The following IQCM variants were observed in gnomAD, a reference collection of about 807,000 sequenced individuals.
IQCM encodes the protein IQ motif containing M.
IQCM carries 45 observed loss-of-function variants against 57.6 expected under a neutral mutation model. The ratio of observed to expected loss-of-function variants is 0.78; its 90% CI spans 0.62 to 1.00. The LOEUF is 1.00. IQCM is among the 50% of genes least tolerant of loss of function. The pLI is 0.00. For missense variants in IQCM, 468 were observed against 511.6 expected, an observed-to-expected ratio of 0.91 and a Z score of 0.82; for synonymous variants, 148 against 158.9, an observed-to-expected ratio of 0.93 and a Z score of 0.51.
chr4:149,418,806 A>T (rs1199399888), intron 13 of IQCM, among the ~76,000 whole-genome samples: 1 of 152,162 alleles, frequency 6.6e-6, no homozygotes, highest in Admixed American at 6.6e-5. Flanking sequence ...CTCAGGATAC[A>T]AGATGAATGT....
At chr4:149,716,859 C>T (rs6817474) in intron 5 of IQCM, among the ~76,000 whole-genome samples, 1 of 152,082 alleles carries the variant, frequency 6.6e-6, no homozygotes, top group South Asian at 2.1e-4. Context: ...GAGAGAAGGG[C>T]TGGAAATTGA....
intron 7 of IQCM, among the ~76,000 whole-genome samples, chr4:149,640,996 G>T (rs1758138205): frequency 6.6e-6 from 1 of 152,160 alleles, no homozygotes; most frequent in African/African-American, 2.4e-5. Context: ...CGAGCGTGGT[G>T]TTGCACACCT....
intron 2 of IQCM, among the ~76,000 whole-genome samples, chr4:149,776,037 T>A (rs1204060655): frequency 6.6e-6 from 1 of 152,114 alleles, no homozygotes; most frequent in East Asian, 1.9e-4. Context: ...AAGCCAGAAT[T>A]TGAGAGGATC....
intron 7 of IQCM, among the ~76,000 whole-genome samples, chr4:149,678,490 G>A (rs1761935531): frequency 6.6e-6 from 1 of 151,662 alleles, no homozygotes; most frequent in African/African-American, 2.4e-5. Flanking sequence ...AAAAGTGGAG[G>A]TAATTCACTA....
At chr4:149,429,586 T>G (rs1359145242) in intron 13 of IQCM, among the ~76,000 whole-genome samples, 1 of 151,918 alleles carries the variant, frequency 6.6e-6, no homozygotes, top group African/African-American at 2.4e-5. Context: ...GTAACTCTAT[T>G]TACTCCTTGG....
chr4:149,506,658 A>G (rs1322617133), intron 12 of IQCM, among the ~76,000 whole-genome samples: 1 of 152,218 alleles, frequency 6.6e-6, no homozygotes, highest in Non-Finnish European at 1.5e-5. Context: ...AAGCCATAGT[A>G]CCAGGTTGCT....
chr4:149,568,334 C>T (rs1430526341), intron 9 of IQCM, among the ~76,000 whole-genome samples: 2 of 152,130 alleles, frequency 1.3e-5, no homozygotes, highest in African/African-American at 2.4e-5. Context: ...ATGTCTTTTC[C>T]TTGACAAGAC....
intron 12 of IQCM, among the ~76,000 whole-genome samples, chr4:149,447,264 T>A (rs1233659984): frequency 6.6e-6 from 1 of 151,544 alleles, no homozygotes; most frequent in Non-Finnish European, 1.5e-5. Flanking sequence ...AAGGTCAAAT[T>A]CACAATGTCT....
At chr4:149,596,075 C>T (rs1753748454) in intron 8 of IQCM, among the ~76,000 whole-genome samples, 1 of 152,032 alleles carries the variant, frequency 6.6e-6, no homozygotes, top group Admixed American at 6.6e-5. Context: ...ATTAAAACCA[C>T]AGAAATTTAA....
At chr4:149,723,164 G>T (rs781367436) in intron 5 of IQCM, among the ~76,000 whole-genome samples, 4 of 151,900 alleles carry the variant, frequency 2.6e-5, no homozygotes, top group Non-Finnish European at 4.4e-5. Flanking sequence ...AGAATTCATT[G>T]CTCAAATCTA....
intron 12 of IQCM, among the ~76,000 whole-genome samples, chr4:149,538,154 G>C (rs1747488931): frequency 6.6e-6 from 1 of 151,166 alleles, no homozygotes; most frequent in Non-Finnish European, 1.5e-5. Context: ...CCTTTCAAAA[G>C]TATATTATTA....
At chr4:149,645,508 C>T (rs1255566932) in intron 7 of IQCM, among the ~76,000 whole-genome samples, 1 of 152,182 alleles carries the variant, frequency 6.6e-6, no homozygotes, top group Non-Finnish European at 1.5e-5. Context: ...AGAACCAGAA[C>T]ATTTCAAGCA....
chr4:149,395,354 T>C (rs747029276), intron 13 of IQCM, among the ~76,000 whole-genome samples: 1 of 152,050 alleles, frequency 6.6e-6, no homozygotes, highest in Non-Finnish European at 1.5e-5. Flanking sequence ...TTTACAGTAA[T>C]AACTGTTTCT....
chr4:149,411,460 GTAT>G (rs1733378542), intron 13 of IQCM, among the ~76,000 whole-genome samples: 1 of 152,046 alleles, frequency 6.6e-6, no homozygotes, highest in African/African-American at 2.4e-5. Flanking sequence ...GACAAATTAT[GTAT>G]TAACTAATTT....
At chr4:149,401,869 A>C (rs1732640953) in intron 13 of IQCM, among the ~76,000 whole-genome samples, 1 of 151,800 alleles carries the variant, frequency 6.6e-6, no homozygotes, top group Non-Finnish European at 1.5e-5. Flanking sequence ...ATAAAGGTTG[A>C]TTAGATTCTA....
intron 13 of IQCM, among the ~76,000 whole-genome samples, chr4:149,400,215 T>G (rs1293661181): frequency 2.6e-5 from 4 of 151,850 alleles, no homozygotes; most frequent in South Asian, 2.1e-4. Flanking sequence ...TTTTTTTTTT[T>G]GTTTGGGTTT....
At position 149,754,723 on chromosome 4, in the gene IQCM, T is replaced by C. The variant is rs569057795; in HGVS notation, c.-48-11984A>G. Among the ~76,000 whole-genome samples, 9 of 152,320 alleles carry C rather than the reference T, an allele frequency of 5.9e-5. No individual in the cohort carries two copies. In the East Asian group the frequency reaches 1.5e-3, roughly 26 times the overall value. ...TCCTCATCTCACTGACCTCAGCATA[T>C]TGGAATGTCCCAAGGCTCAGGCCTT... On this transcript the variant is annotated intron_variant, in intron 2 of 13. Transcript: ENST00000636793.
At chr4:149,439,943 A>G (rs1463684462) in intron 12 of IQCM, among the ~76,000 whole-genome samples, 1 of 150,694 alleles carries the variant, frequency 6.6e-6, no homozygotes, top group Non-Finnish European at 1.5e-5. Flanking sequence ...ACGAATTTCC[A>G]ATTAAGTGTT....
intron 5 of IQCM, among the ~76,000 whole-genome samples, chr4:149,704,368 ATCGCTTATTT>A (rs1763999456): frequency 6.6e-6 from 1 of 151,916 alleles, no homozygotes; most frequent in East Asian, 1.9e-4. Context: ...AATCCAGCCC[ATCGCTTATTT>A]TTGCAAATAA....
Sources: gnomAD v4.1 joint callset for allele counts (sites outside exome capture counted in the v4.1 genomes callset) on GRCh38, gnomAD v4.1.1 for gene constraint, MANE v1.5 for transcripts, NCBI Gene and HGNC (gene_info 2026-07-23, HGNC 2026-07-21) for gene names.